The following SMARCA5 variants were observed in gnomAD, a reference collection of about 807,000 sequenced individuals.
The protein encoded by SMARCA5 is SWI/SNF-related matrix-associated actin-dependent regulator of chromatin subfamily A member 5.
A neutral mutation model predicts 140.4 loss-of-function variants in SMARCA5; 18 were observed. The ratio of observed to expected loss-of-function variants is 0.13; its 90% CI spans 0.09 to 0.19. SMARCA5 has a LOEUF of 0.19. Ranked by LOEUF, SMARCA5 falls within the 10% of genes least tolerant of loss-of-function variation. The pLI is 1.00. For synonymous variants in SMARCA5, 449 were observed against 419.6 expected (o/e 1.07, Z -0.86); for missense variants, 606 against 1,276.8 (o/e 0.47, Z 8.01).
At chr4:143,547,359 T>A in intron 20 of SMARCA5, 26 bp from the exon 21 acceptor site, 1 of 1,118,970 alleles carries the variant, frequency 8.9e-7, no homozygotes, top group Non-Finnish European at 1.3e-6. Context: ...TATAAATGAT[T>A]TGTTTACTTT....
chr4:143,513,936 G>C lies in SMARCA5; in HGVS notation c.12G>C (p.Ala4=). Reference sequence around the variant, plus strand: ...GCAGACGGAACATCATGTCGTCCGCGGCCGAGCCTCCGCCACCCCCGCCTC... The same window carrying C: ...GCAGACGGAACATCATGTCGTCCGCCGCCGAGCCTCCGCCACCCCCGCCTC... MSS[A]AEPPPPPPPE... is the part of the protein sequence containing the mutation. The change falls in exon 1 of 24, where the codon GCG becomes GCC. Residue 4 remains alanine (A), a synonymous_variant. Coordinates refer to ENST00000283131, the MANE Select transcript of SMARCA5 (RefSeq NM_003601.4). 6.5e-7 allele frequency: 1 copy of C among 1,545,472 alleles called. No individual in the cohort carries two copies. The highest frequency in any genetic ancestry group is 8.7e-7 in the Non-Finnish European group (1 of 1,152,660).
At chr4:143,530,417 A>G in intron 8 of SMARCA5, 41 bp from the exon 9 acceptor site, 1 of 1,321,594 alleles carries the variant, frequency 7.6e-7, no homozygotes, top group South Asian at 1.2e-5. Context: ...ATTTGTTAAT[A>G]TTATCTCTGA....
At position 143,550,109 on chromosome 4, in the gene SMARCA5, G is replaced by A; in HGVS notation, c.3093+5G>A. ...AAACGAGGACCAAAGCCTTCAGTAA[G>A]TATTCATGAATATGTAAATATGTGG... On this transcript the variant is annotated splice_donor_5th_base_variant and intron_variant, in intron 23 of 23. Coordinates refer to ENST00000283131, the MANE Select transcript of SMARCA5 (RefSeq NM_003601.4). 6.8e-7 allele frequency: 1 copy of A among 1,467,310 alleles called. No individual in the cohort carries two copies. The highest frequency in any genetic ancestry group is 9.4e-7 in the Non-Finnish European group (1 of 1,068,754). The allele number at this position is 1,467,310 out of a possible 1,614,324, so 90.9% of individuals were successfully genotyped here.
chr4:143,547,452 A>G lies in SMARCA5; in HGVS notation c.2721A>G (p.Gly907=), dbSNP rs1737546646. Residue 907 remains glycine (G), a synonymous_variant, in exon 21 of 24, where the codon GGA becomes GGG. Transcript: ENST00000283131. The part of the protein sequence containing the change: ...IEKIMAQIER[G]EARIQRRISI... ...AGATTATGGCTCAGATTGAAAGGGG[A>G]GAGGCGAGAATTCAAAGAAGAATAA... 6.2e-7 allele frequency: 1 copy of G among 1,610,628 alleles called. No homozygotes were observed. Among genetic ancestry groups the G allele is most frequent in the Non-Finnish European group, 8.5e-7 (1 of 1,177,236 alleles).
rs1737714914 is a variant in SMARCA5, at chr4:143,554,825, GT to G, written c.*1645del. The G allele has an allele frequency of 5.2e-6, 1 of 192,602 alleles. No individual in the cohort carries two copies. The highest frequency in any genetic ancestry group is 1.1e-5 in the Non-Finnish European group (1 of 93,772). 11.9% of individuals were successfully genotyped at this position (192,602 alleles called of 1,614,324 possible). A position where few individuals can be genotyped will look rare whatever the true frequency, so the allele number is the denominator to read the frequency against. ...AACTTACGGAGGTCACAAAAGTGATGTTTTCAAGAGGAGGAGAAACTGGGAG... is the reference window on the plus strand; with the variant it reads ...AACTTACGGAGGTCACAAAAGTGATGTTTCAAGAGGAGGAGAAACTGGGAG... On this transcript the variant is annotated 3_prime_UTR_variant, in exon 24 of 24. Transcript: ENST00000283131.
intron 1 of SMARCA5, among the ~76,000 whole-genome samples, chr4:143,514,820 T>C (rs1207122069): frequency 6.6e-6 from 1 of 151,940 alleles, no homozygotes; most frequent in Non-Finnish European, 1.5e-5. Flanking sequence ...CCAGGCGCAG[T>C]TGGTTGGCTC....
At position 143,527,996 on chromosome 4, in the gene SMARCA5, T is replaced by C; in HGVS notation, c.930T>C (p.Ala310=). 1.9e-6 allele frequency: 3 copies of C among 1,572,862 alleles called. No homozygotes were observed. The highest frequency in any genetic ancestry group is 2.6e-6 in the Non-Finnish European group (3 of 1,167,628). ...FNWRYLVIDE[A]HRIKNEKSKL... Reference sequence around the variant, plus strand: ...GGAGATACTTAGTAATAGATGAAGCTCACAGGATCAAAAATGAAAAATCTA... The same window carrying C: ...GGAGATACTTAGTAATAGATGAAGCCCACAGGATCAAAAATGAAAAATCTA... The change falls in exon 7 of 24, where the codon GCT becomes GCC. Residue 310 remains alanine, a synonymous_variant. Transcript: ENST00000283131.
rs1243527828 is a variant in SMARCA5 at position 143,514,087 on chromosome 4, G to T, written c.163G>T (p.Asp55Tyr). 6.5e-7 allele frequency: 1 copy of T among 1,547,102 alleles called. No homozygotes were observed. Among genetic ancestry groups the T allele is most frequent in the South Asian group, 1.2e-5 (1 of 86,074 alleles). ...VASAASAGPA[D>Y]AEMEEIFDDA... ...GTCTGCGGCCAGCGCTGGTCCCGCA[G>T]ACGCCGAGATGGAGGTGAGGGCGAC... The change falls in exon 1 of 24, where the codon GAC becomes TAC. Residue 55 changes from aspartate (D) to tyrosine (Y), a missense_variant. Around this residue, in one of 10 missense-constraint regions of SMARCA5, gnomAD observed 164 missense variants for 128.4 expected, o/e 1.28. Coordinates refer to ENST00000283131, the MANE Select transcript of SMARCA5 (RefSeq NM_003601.4).
intron 10 of SMARCA5, 46 bp from the exon 11 acceptor site, chr4:143,536,406 A>G: frequency 7.5e-7 from 1 of 1,336,332 alleles, no homozygotes. Flanking sequence ...GCAGGGATTG[A>G]TCAAGGAACA....
rs145056445 is a variant in SMARCA5 at position 143,538,600 on chromosome 4, A to G, written c.1506A>G (p.Val502=). 62 of 1,612,664 alleles carry G rather than the reference A, an allele frequency of 3.8e-5. No homozygotes were observed. In the African/African-American group the frequency reaches 7.9e-4, roughly 20 times the overall value. ...LPKLKEQGSR[V]LIFSQMTRVL... is the part of the protein sequence containing the mutation. ...TATATTCCCCAACAGGTTCACGAGT[A>G]CTAATCTTCAGTCAAATGACAAGGG... Residue 502 remains valine (V), a synonymous_variant, in exon 12 of 24, where the codon GTA becomes GTG. Coordinates refer to ENST00000283131, the MANE Select transcript of SMARCA5 (RefSeq NM_003601.4).
At chr4:143,525,378 G>C in intron 4 of SMARCA5, 73 bp from the exon 5 acceptor site, 1 of 913,902 alleles carries the variant, frequency 1.1e-6, no homozygotes. Context: ...GTAGATATGT[G>C]TAGGCTTAGA....
At chr4:143,523,406 A>C (rs2149817459) in intron 3 of SMARCA5, among the ~76,000 whole-genome samples, 1 of 152,280 alleles carries the variant, frequency 6.6e-6, no homozygotes, top group East Asian at 1.9e-4. Context: ...TTTAAGTTTT[A>C]CAACTGTAAT....
intron 9 of SMARCA5, among the ~76,000 whole-genome samples, chr4:143,534,604 A>G (rs1383040682): frequency 2.0e-5 from 3 of 152,154 alleles, no homozygotes. Context: ...TGTAGGTTAT[A>G]TGCAAATACT....
chr4:143,536,230 G>A lies in SMARCA5; in HGVS notation c.1269-222G>A, dbSNP rs190917943. Among the ~76,000 whole-genome samples the A allele has an allele frequency of 8.2e-3, 1,250 of 152,144 alleles. 62 individuals are homozygous for A. Among genetic ancestry groups the A allele is most frequent in the Admixed American group, 0.076 (1,158 of 15,270 alleles). ...GTACTTTAAAAATAATATCCTCAAG[G>A]CCCAAGGCGTAAGTATGAACATTAT... On this transcript the variant is annotated intron_variant, in intron 10 of 23. Coordinates refer to ENST00000283131, the MANE Select transcript of SMARCA5 (RefSeq NM_003601.4).
intron 17 of SMARCA5, among the ~76,000 whole-genome samples, 159 bp downstream of exon 17, chr4:143,545,006 G>C (rs571583225): frequency 7.0e-6 from 1 of 142,856 alleles, no homozygotes; most frequent in East Asian, 2.0e-4. Context: ...TCAGTGGTGC[G>C]ATCTCAGCTC....
intron 22 of SMARCA5, 87 bp from the exon 23 acceptor site, chr4:143,549,910 A>T: frequency 1.5e-6 from 1 of 672,058 alleles, no homozygotes; most frequent in Non-Finnish European, 2.6e-6. Context: ...TTTATATATT[A>T]TCCTATTAAA....
intron 1 of SMARCA5, among the ~76,000 whole-genome samples, chr4:143,515,178 A>C (rs1040705717): frequency 6.6e-6 from 1 of 152,186 alleles, no homozygotes. Context: ...ATTATACAGT[A>C]AGAAAATGGT....
Position 143,556,737 on chromosome 4 carries a change from C to T in SMARCA5, c.*3553C>T, listed in dbSNP as rs1031283818. ...TGACAGATAATGGGCAAAATACATT[C>T]TTGGTGTGGAGCAGTGCTGCAGAAT... is the stretch of plus-strand genomic sequence containing the variant. On this transcript the variant is annotated 3_prime_UTR_variant, in exon 24 of 24. Transcript: ENST00000283131. 1.3e-5 allele frequency: 2 copies of T among 152,140 alleles called. No homozygotes were observed. The highest frequency in any genetic ancestry group is 2.4e-5 in the African/African-American group (1 of 41,430). 9.4% of individuals were successfully genotyped at this position (152,140 alleles called of 1,614,324 possible).
At chr4:143,525,069 A>G (rs1177677718) in intron 4 of SMARCA5, among the ~76,000 whole-genome samples, 3 of 151,396 alleles carry the variant, frequency 2.0e-5, no homozygotes, top group Admixed American at 2.0e-4. Context: ...TTTACTAGAA[A>G]GAAAATAAAA....
Sources: allele counts gnomAD v4.1 joint callset (sites outside exome capture counted in the v4.1 genomes callset), GRCh38; gene constraint gnomAD v4.1.1; regional missense constraint gnomAD v4.1.1; transcripts MANE v1.5; gene names NCBI Gene and HGNC (gene_info 2026-07-23, HGNC 2026-07-21).